The following RAB37 variants were observed in gnomAD, a reference collection of about 807,000 sequenced individuals.
RAB37 encodes RAB37, member RAS oncogene family.
In RAB37, 29 loss-of-function variants were observed where a neutral mutation model predicts 33.1. The ratio of observed to expected loss-of-function variants is 0.88; its 90% CI spans 0.65 to 1.20. The LOEUF is 1.20. Among genes scored for constraint, RAB37 ranks in the 50% most tolerant of loss-of-function variants. The pLI, the probability that RAB37 is intolerant of heterozygous loss-of-function variation, is 0.00. For missense variants in RAB37, 299 were observed against 301.1 expected, an observed-to-expected ratio of 0.99 and a Z score of 0.05; for synonymous variants, 128 against 119.5, an observed-to-expected ratio of 1.07 and a Z score of -0.47.
chr17:74,681,451 C>T (rs1370783399), intron 1 of RAB37, among the ~76,000 whole-genome samples: 1 of 152,208 alleles, frequency 6.6e-6, no homozygotes, highest in Non-Finnish European at 1.5e-5. Flanking sequence ...GCAAAGACCC[C>T]TGTCCAATTG....
chr17:74,692,069 T>C (rs1170667540), intron 1 of RAB37, among the ~76,000 whole-genome samples: 1 of 151,976 alleles, frequency 6.6e-6, no homozygotes, highest in African/African-American at 2.4e-5. Context: ...GGTTTCACCA[T>C]GTTAGCCAGG....
At chr17:74,736,620 T>C (rs1199373428), upstream of RAB37, 2 of 1,534,340 alleles carry the variant, frequency 1.3e-6, no homozygotes, top group South Asian at 2.4e-5. Flanking sequence ...TGGTGGGACA[T>C]TCTGGGCACA....
intron 1 of RAB37, chr17:74,698,499 C>T (rs770842202): frequency 1.8e-5 from 29 of 1,603,870 alleles, no homozygotes; most frequent in East Asian, 4.5e-5. Flanking sequence ...CAATGGCAAG[C>T]GTCCCCTGCA....
chr17:74,721,078 C>T (rs964524559), intron 1 of RAB37, among the ~76,000 whole-genome samples: 1 of 152,168 alleles, frequency 6.6e-6, no homozygotes, highest in African/African-American at 2.4e-5. Flanking sequence ...TCAGCTACAC[C>T]ACTCTGCTCG....
chr17:74,702,971 C>A lies in RAB37; in HGVS notation c.73-26285C>A, dbSNP rs1292562523. 7.4e-6 allele frequency: 10 copies of A among 1,349,886 alleles called. No individual in the cohort carries two copies. The Admixed American group carries it at 1.5e-4, about 21-fold the overall frequency. The allele number at this position is 1,349,886 out of a possible 1,614,324, so 83.6% of individuals were successfully genotyped here. On this transcript the variant is annotated intron_variant, in intron 1 of 7. Coordinates refer to the RAB37 transcript ENST00000340415. ...AAGCTCAGGCTGGAAAATGGGACTT[C>A]AAAGAGTTCTCCATTGGAGGAGTTT... is the stretch of plus-strand genomic sequence containing the variant.
chr17:74,735,268 G>T (rs776108406), upstream of RAB37, among the ~76,000 whole-genome samples: 8 of 152,098 alleles, frequency 5.3e-5, no homozygotes, highest in Non-Finnish European at 1.0e-4. Context: ...GGCCAGGTGC[G>T]GTGGCTCACG....
At chr17:74,688,353 C>T (rs1430566425) in intron 1 of RAB37, among the ~76,000 whole-genome samples, 1 of 151,958 alleles carries the variant, frequency 6.6e-6, no homozygotes, top group Non-Finnish European at 1.5e-5. Context: ...AGTTCGAGAC[C>T]AGCCTGGCCA....
At chr17:74,707,404 C>G (rs1164565322) in intron 1 of RAB37, among the ~76,000 whole-genome samples, 2 of 152,126 alleles carry the variant, frequency 1.3e-5, no homozygotes, top group Non-Finnish European at 2.9e-5. Flanking sequence ...TCTCTGATCA[C>G]CAGAAAAATG....
At chr17:74,685,939 C>A (rs1235539804) in intron 1 of RAB37, among the ~76,000 whole-genome samples, 1 of 152,150 alleles carries the variant, frequency 6.6e-6, no homozygotes, top group Non-Finnish European at 1.5e-5. Flanking sequence ...GAGGAGCAAA[C>A]AACAGCATCC....
chr17:74,710,343 G>A (rs767851871), intron 1 of RAB37, among the ~76,000 whole-genome samples: 132 of 145,202 alleles, frequency 9.1e-4, no homozygotes, highest in Non-Finnish European at 1.7e-3. Context: ...AGGGAAAAAA[G>A]TTAGAGAAAA....
chr17:74,722,144 G>A (rs574058898), intron 1 of RAB37, among the ~76,000 whole-genome samples: 26 of 152,140 alleles, frequency 1.7e-4, no homozygotes, highest in Non-Finnish European at 1.8e-4. Context: ...TTAGCCGGGC[G>A]TGGTGGCGGG....
At chr17:74,695,347 T>C in intron 1 of RAB37, 1 of 1,442,596 alleles carries the variant, frequency 6.9e-7, no homozygotes. Flanking sequence ...GGATGGACCA[T>C]TCAGGGCTTC....
At chr17:74,696,259 C>T in intron 1 of RAB37, 1 of 1,583,948 alleles carries the variant, frequency 6.3e-7, no homozygotes, top group Non-Finnish European at 8.6e-7. Context: ...AGCCCATTCC[C>T]CAGACTCACA....
rs1000530457 is a variant in RAB37, at chr17:74,729,151, T to A, written c.73-105T>A. On this transcript the variant is annotated intron_variant, in intron 1 of 7. Coordinates refer to the RAB37 transcript ENST00000340415. The surrounding 1 kb of genome is among the most constrained non-coding windows in gnomAD (Gnocchi z 4.2). Reference sequence around the variant, plus strand: ...TTTCTGTGTGTGTGTGTGCATGTTGTGCACATGCGTGCTTAGAAAGAATCC... The same window carrying A: ...TTTCTGTGTGTGTGTGTGCATGTTGAGCACATGCGTGCTTAGAAAGAATCC... 9 of 761,476 alleles carry A rather than the reference T, an allele frequency of 1.2e-5. No individual in the cohort carries two copies. The highest frequency in any genetic ancestry group is 2.2e-5 in the Non-Finnish European group (9 of 411,988). 47.2% of individuals were successfully genotyped at this position (761,476 alleles called of 1,614,324 possible). A position where few individuals can be genotyped will look rare whatever the true frequency, so the allele number is the denominator to read the frequency against.
chr17:74,709,411 A>C (rs1403758747), intron 1 of RAB37, among the ~76,000 whole-genome samples: 3 of 152,192 alleles, frequency 2.0e-5, no homozygotes, highest in African/African-American at 7.2e-5. Flanking sequence ...GTCTATCAAA[A>C]ACCTCAGCAA....
chr17:74,721,698 G>T (rs1227856136), intron 1 of RAB37, among the ~76,000 whole-genome samples: 1 of 152,050 alleles, frequency 6.6e-6, no homozygotes, highest in Non-Finnish European at 1.5e-5. Flanking sequence ...CAAAGTGCTG[G>T]GATTACAGGC....
chr17:74,701,462 TAATA>T (rs1167942371), intron 1 of RAB37, among the ~76,000 whole-genome samples: 1 of 152,190 alleles, frequency 6.6e-6, no homozygotes, highest in Non-Finnish European at 1.5e-5. Context: ...ATTCATAAAA[TAATA>T]AATAAATAAA....
intron 1 of RAB37, among the ~76,000 whole-genome samples, chr17:74,718,722 C>T (rs1439894916): frequency 6.6e-6 from 1 of 152,178 alleles, no homozygotes; most frequent in Non-Finnish European, 1.5e-5. Context: ...TAGAGAAAAA[C>T]AGTGAAATAC....
chr17:74,712,233 C>A (rs1014905566), intron 1 of RAB37, among the ~76,000 whole-genome samples: 20 of 152,192 alleles, frequency 1.3e-4, no homozygotes, highest in Middle Eastern at 6.8e-3. Flanking sequence ...TTGTATGCAC[C>A]AACTTAAGGT....
Sources: gnomAD v4.1 joint callset for allele counts (sites outside exome capture counted in the v4.1 genomes callset) on GRCh38, gnomAD v4.1.1 for gene constraint, Gnocchi (gnomAD v3.1) non-coding constraint, MANE v1.5 for transcripts, NCBI Gene and HGNC (gene_info 2026-07-23, HGNC 2026-07-21) for gene names.